The following MYO18B variants were observed in gnomAD, a reference collection of about 807,000 sequenced individuals.
MYO18B encodes unconventional myosin-XVIIIb.
In MYO18B, 204 loss-of-function variants were observed where a neutral mutation model predicts 273.0. The observed-to-expected ratio is 0.75, with a 90% CI of 0.67 to 0.84. The LOEUF (loss-of-function observed/expected upper bound fraction) is 0.84. MYO18B is among the 40% of genes least tolerant of loss of function. The pLI is 0.00. For synonymous variants in MYO18B, 1,330 were observed against 1,305.7 expected (o/e 1.02, Z -0.40); for missense variants, 3,212 against 3,287.6 (o/e 0.98, Z 0.56).
chr22:26,008,901 G>C (rs1278086465), intron 42 of MYO18B, among the ~76,000 whole-genome samples: 1 of 152,168 alleles, frequency 6.6e-6, no homozygotes, highest in Non-Finnish European at 1.5e-5. Flanking sequence ...TGGGCTTCCT[G>C]AGCAGGGTCT....
chr22:26,023,405 G>T (rs576146770), intron 42 of MYO18B, among the ~76,000 whole-genome samples: 2 of 152,154 alleles, frequency 1.3e-5, no homozygotes, highest in East Asian at 3.9e-4. Context: ...TCAGACTTGT[G>T]GTCTGTGATT....
At chr22:25,839,192 TTG>T (rs916803593) in intron 17 of MYO18B, among the ~76,000 whole-genome samples, 1 of 151,394 alleles carries the variant, frequency 6.6e-6, no homozygotes, top group Non-Finnish European at 1.5e-5. Context: ...ATGAGTGTGT[TTG>T]TATATGTGTG....
chr22:25,982,908 C>T (rs924114025), intron 39 of MYO18B, among the ~76,000 whole-genome samples: 2 of 152,256 alleles, frequency 1.3e-5, no homozygotes, highest in African/African-American at 4.8e-5. Context: ...GCCAGAACCA[C>T]CCAGATAAGC....
the MYO18B span, among the ~76,000 whole-genome samples, chr22:26,063,766 T>A: frequency 6.6e-6 from 1 of 152,196 alleles, no homozygotes; most frequent in East Asian, 1.9e-4. Flanking sequence ...GGGGAAACTG[T>A]GACTATAGAT....
At chr22:26,029,198 C>G (rs1189080777) in intron 43 of MYO18B, among the ~76,000 whole-genome samples, 1 of 152,192 alleles carries the variant, frequency 6.6e-6, no homozygotes, top group Non-Finnish European at 1.5e-5. Flanking sequence ...TCGTAAATCT[C>G]CCAGTCACTG....
chr22:25,987,544 C>T (rs1454618937), intron 39 of MYO18B, among the ~76,000 whole-genome samples: 2 of 151,726 alleles, frequency 1.3e-5, no homozygotes, highest in Admixed American at 6.6e-5. Context: ...ATCCCTTATC[C>T]TTCCCTCATT....
chr22:25,884,025 C>T (rs1302841067), intron 25 of MYO18B, among the ~76,000 whole-genome samples: 1 of 152,094 alleles, frequency 6.6e-6, no homozygotes, highest in African/African-American at 2.4e-5. Flanking sequence ...TTCCACCCCT[C>T]TCTGGAATAG....
intron 27 of MYO18B, among the ~76,000 whole-genome samples, chr22:25,893,269 T>G (rs79037202): frequency 2.7e-4 from 41 of 152,348 alleles, no homozygotes; most frequent in African/African-American, 8.9e-4. Context: ...CCTTTTGTGA[T>G]ATGCACTCAG....
chr22:25,960,779 C>T (rs140907873), intron 39 of MYO18B, among the ~76,000 whole-genome samples: 2,653 of 152,316 alleles, frequency 0.017, 44 homozygotes, highest in Middle Eastern at 0.044. Flanking sequence ...TCCCCACTTT[C>T]CCTTCAGTCT....
chr22:25,789,137 C>G (rs909471822), intron 11 of MYO18B, among the ~76,000 whole-genome samples: 26 of 148,692 alleles, frequency 1.7e-4, no homozygotes, highest in African/African-American at 6.2e-4. Flanking sequence ...TCCTCCTCCT[C>G]CTCCTCCTCC....
chr22:25,833,948 G>A (rs1247680897), intron 16 of MYO18B, among the ~76,000 whole-genome samples: 1 of 152,102 alleles, frequency 6.6e-6, no homozygotes, highest in Admixed American at 6.6e-5. Context: ...GCCCTCTCCT[G>A]TGTAAGCCCA....
At chr22:25,867,778 C>T (rs560041965) in intron 21 of MYO18B, among the ~76,000 whole-genome samples, 5 of 152,142 alleles carry the variant, frequency 3.3e-5, no homozygotes, top group South Asian at 2.1e-4. Flanking sequence ...TACAGGCGCC[C>T]GCCACCATGC....
intron 39 of MYO18B, among the ~76,000 whole-genome samples, chr22:25,961,706 G>A (rs772725125): frequency 6.6e-6 from 1 of 152,200 alleles, no homozygotes; most frequent in Non-Finnish European, 1.5e-5. Context: ...AAGTCCAGAT[G>A]CTGACGGGAA....
rs138635483 is a variant in MYO18B, at chr22:25,855,037, C to T, written c.3885+3458C>T. ...GTTTGTTGTACAGATCATTTCATCACCCAGGTATTAAGCCTAGTACCCATT... is the reference window on the plus strand; with the variant it reads ...GTTTGTTGTACAGATCATTTCATCATCCAGGTATTAAGCCTAGTACCCATT... On this transcript the variant is annotated intron_variant, in intron 21 of 43. Coordinates refer to ENST00000335473, the MANE Select transcript of MYO18B (RefSeq NM_032608.7). 7.8e-3 allele frequency among the ~76,000 whole-genome samples: 1,181 copies of T among 152,188 alleles called. 22 individuals carry two copies. Among genetic ancestry groups the T allele is most frequent in the African/African-American group, 0.026 (1,062 of 41,526 alleles).
chr22:25,949,349 T>C (rs567533024), intron 36 of MYO18B, among the ~76,000 whole-genome samples: 2 of 152,094 alleles, frequency 1.3e-5, no homozygotes, highest in African/African-American at 4.8e-5. Context: ...GGAGTGAAGA[T>C]GAGGAGGAGT....
intron 25 of MYO18B, among the ~76,000 whole-genome samples, chr22:25,889,532 C>T (rs1008873488): frequency 1.3e-5 from 2 of 150,644 alleles, no homozygotes; most frequent in Non-Finnish European, 1.5e-5. Context: ...AGTCTGGACT[C>T]GAACCTTGCA....
intron 39 of MYO18B, among the ~76,000 whole-genome samples, chr22:25,957,197 A>C (rs2092863354): frequency 6.6e-6 from 1 of 152,118 alleles, no homozygotes; most frequent in Non-Finnish European, 1.5e-5. Flanking sequence ...CTAGCCAGGC[A>C]CTCAGGCATT....
Position 25,903,832 on chromosome 22 carries a change from G to A in MYO18B, c.5148+1G>A. 1 of 1,593,948 alleles carries A rather than the reference G, an allele frequency of 6.3e-7. No individual in the cohort carries two copies. ...AAACACCATCAAGCAGCTGGAGCAG[G>A]TAGGAAAGCCCTGTCTCAGGGCAAC... On this transcript the variant is annotated splice_donor_variant, in intron 31 of 43. Coordinates refer to ENST00000335473, the MANE Select transcript of MYO18B (RefSeq NM_032608.7). LOFTEE classifies it high-confidence loss of function.
intron 10 of MYO18B, among the ~76,000 whole-genome samples, chr22:25,784,924 C>T (rs1193955114): frequency 6.6e-6 from 1 of 152,178 alleles, no homozygotes; most frequent in Non-Finnish European, 1.5e-5. Context: ...CTCGAGGGGC[C>T]AACAGACCTC....
Sources: gnomAD v4.1 joint callset for allele counts (sites outside exome capture counted in the v4.1 genomes callset) on GRCh38, gnomAD v4.1.1 for gene constraint, MANE v1.5 for transcripts, NCBI Gene and HGNC (gene_info 2026-07-23, HGNC 2026-07-21) for gene names.